The following PRPF18 variants were observed in gnomAD, a reference collection of about 807,000 sequenced individuals.
The protein encoded by PRPF18 is pre-mRNA processing factor 18, also known as pre-mRNA-splicing factor 18.
PRPF18 carries 38 observed loss-of-function variants against 46.5 expected under a neutral mutation model. The ratio of observed to expected loss-of-function variants is 0.82; its 90% confidence interval spans 0.63 to 1.07. The LOEUF is 1.07. Ranked by LOEUF, PRPF18 falls within the 50% of genes least tolerant of loss-of-function variation. The pLI is 0.00. For synonymous variants in PRPF18, 152 were observed against 146.7 expected (o/e 1.04, Z -0.26); for missense variants, 263 against 410.0 (o/e 0.64, Z 3.10).
the PRPF18 span, chr10:13,654,604 T>C: frequency 1.3e-6 from 1 of 753,820 alleles, no homozygotes; most frequent in Non-Finnish European, 2.3e-6. Context: ...ACCAACCCAG[T>C]GGCCAGAGGT....
the PRPF18 span, chr10:13,651,966 G>A: frequency 1.3e-6 from 2 of 1,581,648 alleles, no homozygotes; most frequent in South Asian, 1.1e-5. Context: ...TGAGTTTTCT[G>A]TTGCTTCTCT....
downstream of PRPF18, among the ~76,000 whole-genome samples, chr10:13,634,716 G>A (rs568732845): frequency 9.2e-5 from 14 of 152,252 alleles, no homozygotes; most frequent in Admixed American, 4.6e-4. Context: ...ACACAGGCAC[G>A]TCTACCTGAA....
rs575162714 is a variant in PRPF18 at position 13,629,688 on chromosome 10, G to A, written c.949-572G>A. Among the ~76,000 whole-genome samples, 9 of 152,192 alleles carry A rather than the reference G, an allele frequency of 5.9e-5. No individual in the cohort carries two copies. The South Asian group carries it at 1.2e-3, about 21-fold the overall frequency. ...TTCATGCCACTTGCTTTTTACTTTC[G>A]ACATTGCTTCTAAGATTCATATACA... On this transcript the variant is annotated intron_variant, in intron 9 of 9. Transcript: ENST00000378572.
At chr10:13,619,213 G>A (rs1197802078) in intron 9 of PRPF18, among the ~76,000 whole-genome samples, 1 of 152,230 alleles carries the variant, frequency 6.6e-6, no homozygotes, top group Non-Finnish European at 1.5e-5. Flanking sequence ...GCTGGCCTGT[G>A]GCCCAGGGGT....
intron 2 of PRPF18, among the ~76,000 whole-genome samples, chr10:13,598,380 C>A (rs958896677): frequency 6.6e-6 from 1 of 152,026 alleles, no homozygotes; most frequent in Admixed American, 6.6e-5. Context: ...TGTAAAATAT[C>A]AATATAAGAT....
At chr10:13,622,442 G>GA (rs902512226) in intron 9 of PRPF18, among the ~76,000 whole-genome samples, 3 of 151,982 alleles carry the variant, frequency 2.0e-5, no homozygotes, top group African/African-American at 4.8e-5. Flanking sequence ...CACACGGTTG[G>GA]AAAAAAAGCC....
the PRPF18 span, chr10:13,646,387 C>A: frequency 6.6e-6 from 1 of 152,576 alleles, no homozygotes; most frequent in Non-Finnish European, 1.5e-5. Flanking sequence ...TTTCTGGTGT[C>A]GAGAACTTCC....
intron 3 of PRPF18, among the ~76,000 whole-genome samples, chr10:13,601,925 C>A (rs2080116581): frequency 6.6e-6 from 1 of 152,230 alleles, no homozygotes; most frequent in African/African-American, 2.4e-5. Flanking sequence ...TTTGCCCTTA[C>A]ATGCAGTGCT....
At chr10:13,592,233 G>A (rs1251365850) in intron 1 of PRPF18, 1 of 575,036 alleles carries the variant, frequency 1.7e-6, no homozygotes, top group South Asian at 1.5e-5. Flanking sequence ...GCCTTGAGGT[G>A]ACCCTTTTTC....
At chr10:13,606,748 A>C (rs982339501) in intron 4 of PRPF18, among the ~76,000 whole-genome samples, 15 of 151,690 alleles carry the variant, frequency 9.9e-5, no homozygotes, top group Middle Eastern at 3.4e-3. Context: ...AAAAAAAAAA[A>C]AAAAAAAAAA....
Position 13,614,016 on chromosome 10 carries a change from A to T in PRPF18, c.722A>T (p.Asn241Ile). 6.3e-7 allele frequency: 1 copy of T among 1,577,692 alleles called. No homozygotes were observed. The highest frequency in any genetic ancestry group is 8.6e-7 in the Non-Finnish European group (1 of 1,159,888). Residue 241 changes from asparagine to isoleucine, a missense_variant and splice_region_variant, in exon 8 of 10, where the codon AAT becomes ATT. Transcript: ENST00000378572. ...AAATTTCTTATTTATTTTTTTCAGAATCTTCCTGCTGATATTAAAGAATCA... is the reference window on the plus strand; with the variant it reads ...AAATTTCTTATTTATTTTTTTCAGATTCTTCCTGCTGATATTAAAGAATCA... The part of the protein sequence containing the change: ...RPLFRKLRKR[N>I]LPADIKESIT...
intron 9 of PRPF18, 96 bp downstream of exon 9, chr10:13,616,649 A>G: frequency 2.7e-6 from 4 of 1,475,738 alleles, no homozygotes; most frequent in Non-Finnish European, 3.7e-6. Context: ...ATTACAGCAA[A>G]TAGAACATAG....
the PRPF18 span, chr10:13,653,940 A>T: frequency 1.1e-5 from 2 of 190,294 alleles, no homozygotes; most frequent in Non-Finnish European, 1.0e-5. Context: ...GTGTGTTGAG[A>T]AAGAGCAAGT....
the PRPF18 span, among the ~76,000 whole-genome samples, chr10:13,650,176 G>A: frequency 6.6e-6 from 1 of 152,190 alleles, no homozygotes; most frequent in Non-Finnish European, 1.5e-5. Flanking sequence ...GGCATAGGGA[G>A]GTGGGGCTGC....
At chr10:13,613,693 G>A in intron 6 of PRPF18, 48 bp from the exon 7 acceptor site, 1 of 1,584,272 alleles carries the variant, frequency 6.3e-7, no homozygotes, top group Admixed American at 1.8e-5. Context: ...TAGATGTACT[G>A]AACCACTGGG....
At chr10:13,640,295 G>A in the PRPF18 span, 1 of 150,646 alleles carries the variant, frequency 6.6e-6, no homozygotes, top group Non-Finnish European at 1.5e-5. Context: ...ACTATCTGTT[G>A]ACAGTTGTTT....
chr10:13,600,830 A>G lies in PRPF18; in HGVS notation c.249+482A>G, dbSNP rs371118522. On this transcript the variant is annotated intron_variant, in intron 3 of 9. Coordinates refer to ENST00000378572, the MANE Select transcript of PRPF18 (RefSeq NM_003675.4). ...CTCACTGTGTCGCCCAGGCTGGAAT[A>G]CAGTGGTGCAGTCTCAGTTCACTGC... 5.0e-4 allele frequency among the ~76,000 whole-genome samples: 76 copies of G among 152,258 alleles called. No homozygotes were observed. In the South Asian group the frequency reaches 0.012, roughly 24 times the overall value.
In PRPF18 at chr10:13,597,546, C is replaced by T. The variant is rs1372137730; in HGVS notation, c.144+11C>T. Reference sequence around the variant, plus strand: ...AGATGTGGCTACAAGGTATGAATGTCTGCTTTTATGTTAAATTGTACATTT... The same window carrying T: ...AGATGTGGCTACAAGGTATGAATGTTTGCTTTTATGTTAAATTGTACATTT... On this transcript the variant is annotated intron_variant, in intron 2 of 9. Transcript: ENST00000378572. The T allele has an allele frequency of 6.2e-7, 1 of 1,606,164 alleles. No homozygotes were observed. Among genetic ancestry groups the T allele is most frequent in the Admixed American group, 1.7e-5 (1 of 59,130 alleles).
At chr10:13,601,012 C>T (rs2080100127) in intron 3 of PRPF18, among the ~76,000 whole-genome samples, 1 of 152,092 alleles carries the variant, frequency 6.6e-6, no homozygotes, top group Non-Finnish European at 1.5e-5. Flanking sequence ...AACTCCTGAC[C>T]TCAAGTGATC....
Sources: gnomAD v4.1 joint callset for allele counts (sites outside exome capture counted in the v4.1 genomes callset) on GRCh38, gnomAD v4.1.1 for gene constraint, MANE v1.5 for transcripts, NCBI Gene and HGNC (gene_info 2026-07-23, HGNC 2026-07-21) for gene names.